Variants in DDHD2 observed in about 807,000 individuals in gnomAD.
The protein encoded by DDHD2 is triacylglycerol hydrolase DDHD2.
In DDHD2, 62 loss-of-function variants were observed where a neutral mutation model predicts 91.2. The observed-to-expected ratio is 0.68, with a 90% confidence interval of 0.55 to 0.84. The LOEUF (loss-of-function observed/expected upper bound fraction) is 0.84. Among genes scored for constraint, DDHD2 ranks in the 40% least tolerant of loss-of-function variants. DDHD2 has a pLI of 0.00. For missense variants in DDHD2, 740 were observed against 846.9 expected (o/e 0.87, Z 1.57); for synonymous variants, 271 against 293.9 (o/e 0.92, Z 0.80).
At chr8:38,249,973 G>A (rs1243870374) in intron 11 of DDHD2, 170 bp downstream of exon 11, 9 of 394,726 alleles carry the variant, frequency 2.3e-5, no homozygotes, top group Non-Finnish European at 3.3e-5. Context: ...CTGGAGTGCA[G>A]TGGTGTGATC....
At chr8:38,256,119 A>C (rs1436248823) in intron 16 of DDHD2, among the ~76,000 whole-genome samples, 1 of 152,078 alleles carries the variant, frequency 6.6e-6, no homozygotes, top group East Asian at 1.9e-4. Context: ...AATCAACTTA[A>C]CATATTCATC....
chr8:38,238,285 A>G (rs1479352102), intron 5 of DDHD2, 76 bp downstream of exon 5: 4 of 1,590,350 alleles, frequency 2.5e-6, no homozygotes, highest in South Asian at 2.3e-5. Flanking sequence ...TTTTCTGTGG[A>G]TTTAGATTAC....
chr8:38,236,378 A>G (rs1216630885), intron 3 of DDHD2, among the ~76,000 whole-genome samples: 2 of 149,886 alleles, frequency 1.3e-5, no homozygotes, highest in Non-Finnish European at 3.0e-5. Context: ...TTTTTGAGAC[A>G]GAGTCTCACT....
chr8:38,233,853 C>T (rs764747237), intron 2 of DDHD2, among the ~76,000 whole-genome samples: 12 of 150,216 alleles, frequency 8.0e-5, no homozygotes, highest in Non-Finnish European at 1.5e-4. Flanking sequence ...TGCTCAAACC[C>T]GGGAGGCGGA....
chr8:38,251,023 AT>A, intron 11 of DDHD2: 1 of 152,268 alleles, frequency 6.6e-6, no homozygotes, highest in African/African-American at 2.4e-5. Flanking sequence ...TGGTCACTGA[AT>A]TTCTAACTCC....
chr8:38,241,955 G>T (rs1441817818), intron 6 of DDHD2: 2 of 243,668 alleles, frequency 8.2e-6, no homozygotes, highest in African/African-American at 4.6e-5. Flanking sequence ...TCAAGAGGCT[G>T]AGGCAGGAGA....
chr8:38,243,006 A>G (rs1805365591), intron 7 of DDHD2, among the ~76,000 whole-genome samples: 1 of 152,176 alleles, frequency 6.6e-6, no homozygotes, highest in Admixed American at 6.5e-5. Context: ...GAGATGCAGG[A>G]AGTAGTCAGC....
chr8:38,244,101 C>A (rs1054186346), intron 7 of DDHD2, among the ~76,000 whole-genome samples: 1 of 152,062 alleles, frequency 6.6e-6, no homozygotes, highest in Non-Finnish European at 1.5e-5. Flanking sequence ...CCATGCCTGG[C>A]CCAATCCAGC....
At chr8:38,272,862 A>G (rs1485794317), downstream of DDHD2, 1 of 152,234 alleles carries the variant, frequency 6.6e-6, no homozygotes, top group Non-Finnish European at 1.5e-5. Context: ...TCATGCACAC[A>G]TAAAGGACAA....
At position 38,247,853 on chromosome 8, in the gene DDHD2, A is replaced by G; in HGVS notation, c.1248+18A>G. On this transcript the variant is annotated intron_variant, in intron 10 of 17. Transcript: ENST00000397166. ...AAGCTCTGGTAAAAATAATCTTTTA[A>G]AACTTTATGCCAAGCCATTTTCAGT... is the stretch of plus-strand genomic sequence containing the variant. 1.3e-6 allele frequency: 2 copies of G among 1,545,872 alleles called. No homozygotes were observed. The highest frequency in any genetic ancestry group is 1.7e-6 in the Non-Finnish European group (2 of 1,151,494).
intron 1 of DDHD2, 123 bp downstream of exon 1, chr8:38,231,982 C>G (rs151043937): frequency 0.015 from 2,243 of 153,024 alleles, 22 homozygotes; most frequent in Non-Finnish European, 0.024. Flanking sequence ...AGCCCCGAGC[C>G]TGGGGGAACC....
intron 1 of DDHD2, chr8:38,269,091 G>A (rs1295892237): frequency 7.2e-6 from 11 of 1,526,694 alleles, no homozygotes; most frequent in Non-Finnish European, 9.6e-6. Flanking sequence ...CCTGGGAAGC[G>A]GGGCCGCCCG....
At position 38,233,011 on chromosome 8, in the gene DDHD2, C is replaced by T. The variant is rs771376379; in HGVS notation, c.17C>T (p.Ser6Leu). The change falls in exon 2 of 18, where the codon TCA becomes TTA. Residue 6 changes from serine to leucine, a missense_variant. Ser to Leu is a moderately radical substitution (Grantham distance 145). Transcript: ENST00000397166. ...GAGAGCGAAATGTCATCAGTGCAGTCACAACAGGAGCAGTTGTCCCAGTCA... is the reference window on the plus strand; with the variant it reads ...GAGAGCGAAATGTCATCAGTGCAGTTACAACAGGAGCAGTTGTCCCAGTCA... MSSVQ[S>L]QQEQLSQSDP... The T allele has an allele frequency of 3.7e-6, 6 of 1,614,086 alleles. No individual in the cohort carries two copies. The highest frequency in any genetic ancestry group is 2.2e-5 in the South Asian group (2 of 91,074).
chr8:38,251,797 C>G, intron 11 of DDHD2, 115 bp from the exon 12 acceptor site: 1 of 675,250 alleles, frequency 1.5e-6, no homozygotes, highest in Non-Finnish European at 2.6e-6. Context: ...TGGACTTGAA[C>G]TCTTGGGCTT....
At chr8:38,249,649 G>A in intron 10 of DDHD2, 59 bp from the exon 11 acceptor site, 1 of 1,238,778 alleles carries the variant, frequency 8.1e-7, no homozygotes, top group Non-Finnish European at 1.1e-6. Context: ...TTCCTCTTAG[G>A]GGACAGGATT....
At chr8:38,245,599 A>T in intron 7 of DDHD2, 143 bp from the exon 8 acceptor site, 1 of 743,454 alleles carries the variant, frequency 1.3e-6, no homozygotes, top group Non-Finnish European at 2.2e-6. Flanking sequence ...GCTTCATTAC[A>T]CATGTTCCTT....
chr8:38,244,896 G>A (rs1805507238), intron 7 of DDHD2, among the ~76,000 whole-genome samples: 1 of 151,984 alleles, frequency 6.6e-6, no homozygotes, highest in South Asian at 2.1e-4. Flanking sequence ...CTTAAAAAAT[G>A]TATAACCATA....
At chr8:38,254,288 A>G (rs1806342687) in intron 16 of DDHD2, among the ~76,000 whole-genome samples, 1 of 152,120 alleles carries the variant, frequency 6.6e-6, no homozygotes, top group Admixed American at 6.6e-5. Context: ...TTAGGTGCAC[A>G]TGAATGAACT....
At chr8:38,240,791 G>A (rs1037435936) in intron 6 of DDHD2, among the ~76,000 whole-genome samples, 6 of 152,078 alleles carry the variant, frequency 3.9e-5, no homozygotes, top group Non-Finnish European at 5.9e-5. Flanking sequence ...GTGTCCTCTA[G>A]GCTGGGTGCG....
Sources: gnomAD v4.1 joint callset for allele counts (sites outside exome capture counted in the v4.1 genomes callset) on GRCh38, gnomAD v4.1.1 for gene constraint, MANE v1.5 for transcripts, NCBI Gene and HGNC (gene_info 2026-07-23, HGNC 2026-07-21) for gene names.